DYM: variants seen among roughly 807,000 people sequenced by gnomAD.
The protein encoded by DYM is dymeclin, also known as dyggve-Melchior-Clausen syndrome protein.
Under a neutral mutation model 93.1 loss-of-function variants are expected in DYM, and 78 were observed. The observed-to-expected ratio is 0.84, with a 90% CI of 0.70 to 1.01. The LOEUF is 1.01. Among genes scored for constraint, DYM ranks in the 50% least tolerant of loss-of-function variants. The probability of loss-of-function intolerance (pLI) is 0.00; values close to 1 mark genes in which losing one functional copy is unlikely to be tolerated. For missense variants in DYM, 789 were observed against 845.0 expected, an observed-to-expected ratio of 0.93 and a Z score of 0.82; for synonymous variants, 321 against 319.7, an observed-to-expected ratio of 1.00 and a Z score of -0.04.
chr18:49,127,331 T>A (rs181436200), intron 15 of DYM, among the ~76,000 whole-genome samples: 2 of 152,344 alleles, frequency 1.3e-5, no homozygotes, highest in Non-Finnish European at 2.9e-5. Flanking sequence ...TAATTTCATA[T>A]CAAATAGAGA....
chr18:49,406,312 C>T (rs1408331324), intron 2 of DYM, among the ~76,000 whole-genome samples: 4 of 152,170 alleles, frequency 2.6e-5, no homozygotes, highest in South Asian at 4.1e-4. Flanking sequence ...GTAATCCCAA[C>T]ACTTTGGGAG....
At chr18:49,405,291 T>C (rs1463750461) in intron 2 of DYM, among the ~76,000 whole-genome samples, 1 of 152,212 alleles carries the variant, frequency 6.6e-6, no homozygotes, top group Non-Finnish European at 1.5e-5. Context: ...ACAATTGTTT[T>C]TCAGAACTTA....
intron 14 of DYM, among the ~76,000 whole-genome samples, chr18:49,167,473 T>C (rs1346785525): frequency 6.6e-6 from 1 of 152,196 alleles, no homozygotes; most frequent in Non-Finnish European, 1.5e-5. Flanking sequence ...GTTACTATCA[T>C]ACAATTTAAC....
rs1177016538 is a variant in DYM, at chr18:49,202,631, G to A, written c.1625+6920C>T. On this transcript the variant is annotated intron_variant, in intron 14 of 17. Coordinates refer to ENST00000675505, the MANE Select transcript of DYM (RefSeq NM_001353214.3). ...GCCCATTGTCTGAGATGTGGGGAGC[G>A]CCTCTGCCCCGCCGCCCCATCTGGG... Among the ~76,000 whole-genome samples the A allele has an allele frequency of 1.3e-4, 15 of 117,614 alleles. No homozygotes were observed. In the East Asian group the frequency reaches 2.4e-3, roughly 19 times the overall value. The allele number at this position is 117,614 out of a possible 152,430, so 77.2% of individuals were successfully genotyped here.
At chr18:49,415,655 T>C (rs1279961536) in intron 2 of DYM, among the ~76,000 whole-genome samples, 1 of 152,024 alleles carries the variant, frequency 6.6e-6, no homozygotes, top group Admixed American at 6.5e-5. Context: ...TGGCTGGGCA[T>C]GGTGGCTCAT....
At chr18:49,311,599 C>T (rs2061592574) in intron 8 of DYM, among the ~76,000 whole-genome samples, 1 of 151,900 alleles carries the variant, frequency 6.6e-6, no homozygotes, top group Non-Finnish European at 1.5e-5. Flanking sequence ...AAGCTGGAAA[C>T]CATCATTCTG....
At chr18:49,432,551 C>G (rs1025824895) in intron 1 of DYM, among the ~76,000 whole-genome samples, 2 of 146,238 alleles carry the variant, frequency 1.4e-5, no homozygotes, top group African/African-American at 5.0e-5. Context: ...GATTTTAAAA[C>G]TGGCAAAAAA....
chr18:49,386,039 C>T (rs1664434145), intron 3 of DYM, among the ~76,000 whole-genome samples: 5 of 151,996 alleles, frequency 3.3e-5, no homozygotes, highest in Admixed American at 3.3e-4. Flanking sequence ...ATCTAACTCT[C>T]GGCCTCAAGC....
At chr18:49,100,051 A>G (rs1486024231) in intron 16 of DYM, among the ~76,000 whole-genome samples, 1 of 152,308 alleles carries the variant, frequency 6.6e-6, no homozygotes, top group African/African-American at 2.4e-5. Context: ...AGGTGAGCGC[A>G]TGTATGCCAA....
At chr18:49,192,900 G>C (rs1011066392) in intron 14 of DYM, among the ~76,000 whole-genome samples, 3 of 152,096 alleles carry the variant, frequency 2.0e-5, no homozygotes, top group African/African-American at 7.2e-5. Context: ...AGCGGCCAAG[G>C]GGGTAGCGGG....
chr18:49,441,311 A>AATTATATAT (rs1568455312), intron 1 of DYM, among the ~76,000 whole-genome samples: 42 of 34,380 alleles, frequency 1.2e-3, no homozygotes, highest in African/African-American at 6.3e-3. Context: ...ATATATAATT[A>AATTATATAT]ATATATAATT....
chr18:49,147,530 A>G (rs2085299795), intron 15 of DYM, among the ~76,000 whole-genome samples: 1 of 152,250 alleles, frequency 6.6e-6, no homozygotes, highest in African/African-American at 2.4e-5. Context: ...AAAGTGGGCG[A>G]AGGATATGAA....
chr18:49,285,251 G>A (rs759629066), intron 9 of DYM, among the ~76,000 whole-genome samples: 42 of 152,184 alleles, frequency 2.8e-4, no homozygotes, highest in Non-Finnish European at 4.7e-4. Context: ...TGGCAGAGGC[G>A]CAATTAATGG....
rs184128366 is a variant in DYM, at chr18:49,089,082, G to C, written c.2025+8320C>G. ...CAAACTGCTGGGATTACAGGTATGA[G>C]TCACTGCACCTGGCTCCAAAGAACT... On this transcript the variant is annotated intron_variant, in intron 17 of 17. Coordinates refer to ENST00000675505, the MANE Select transcript of DYM (RefSeq NM_001353214.3). Among the ~76,000 whole-genome samples the C allele has an allele frequency of 2.6e-5, 4 of 152,150 alleles. No homozygotes were observed. The East Asian group carries it at 5.8e-4, about 22-fold the overall frequency.
At chr18:49,111,191 CTTT>C (rs993469876) in intron 16 of DYM, among the ~76,000 whole-genome samples, 5 of 149,662 alleles carry the variant, frequency 3.3e-5, no homozygotes, top group Admixed American at 6.6e-5. Context: ...ACATATTCTT[CTTT>C]TTTTTTTTTA....
chr18:49,273,025 AT>A (rs2094751036), intron 10 of DYM, among the ~76,000 whole-genome samples: 1 of 152,012 alleles, frequency 6.6e-6, no homozygotes, highest in Non-Finnish European at 1.5e-5. Flanking sequence ...AAAAAAAAAA[AT>A]CTATCATCTA....
In DYM at chr18:49,363,141, C is replaced by G. The variant is rs750950363; in HGVS notation, c.494+20G>C. 8 of 1,603,672 alleles carry G rather than the reference C, an allele frequency of 5.0e-6. No homozygotes were observed. In the East Asian group the frequency reaches 1.1e-4, roughly 22 times the overall value. Reference sequence around the variant, plus strand: ...ATATACAAAGAAGATAAAACAAATCCTGGCCTAGCCAGAACTTACAAGAGT... The same window carrying G: ...ATATACAAAGAAGATAAAACAAATCGTGGCCTAGCCAGAACTTACAAGAGT... On this transcript the variant is annotated intron_variant, in intron 6 of 17. Transcript: ENST00000675505.
intron 8 of DYM, among the ~76,000 whole-genome samples, chr18:49,316,054 A>G (rs74655465): frequency 0.095 from 14,406 of 152,182 alleles, 886 homozygotes; most frequent in East Asian, 0.31. Flanking sequence ...GGCCAAGGTG[A>G]GCAGATTGCT....
rs1267633610 is a variant in DYM, at chr18:49,042,003, A to C, written c.*2052T>G. On this transcript the variant is annotated 3_prime_UTR_variant, in exon 18 of 18. Coordinates refer to ENST00000675505, the MANE Select transcript of DYM (RefSeq NM_001353214.3). ...CAATTTTTTGGTTTAAAGGAAAAGG[A>C]AGCCAATCAAAATGCTTTGGAAACA... 1 of 152,276 alleles carries C rather than the reference A, an allele frequency of 6.6e-6. No individual in the cohort carries two copies. Among genetic ancestry groups the C allele is most frequent in the African/African-American group, 2.4e-5 (1 of 41,474 alleles). 9.4% of individuals were successfully genotyped at this position (152,276 alleles called of 1,614,324 possible).
Sources: allele counts gnomAD v4.1 joint callset (sites outside exome capture counted in the v4.1 genomes callset), GRCh38; gene constraint gnomAD v4.1.1; transcripts MANE v1.5; gene names NCBI Gene and HGNC (gene_info 2026-07-23, HGNC 2026-07-21).